CD163L1: variants seen among roughly 807,000 people sequenced by gnomAD.
The protein encoded by CD163L1 is CD163 molecule like 1, also known as scavenger receptor cysteine-rich type 1 protein M160.
CD163L1 carries 124 observed loss-of-function variants against 165.4 expected under a neutral mutation model. The observed-to-expected ratio is 0.75, with a 90% confidence interval of 0.65 to 0.87. The LOEUF (loss-of-function observed/expected upper bound fraction) is 0.87, where lower values mean the gene tolerates loss of function less well. Among genes scored for constraint, CD163L1 ranks in the 40% least tolerant of loss-of-function variants. The probability of loss-of-function intolerance (pLI) is 0.00; values close to 1 mark genes in which losing one functional copy is unlikely to be tolerated. For synonymous variants in CD163L1, 585 were observed against 662.2 expected, an observed-to-expected ratio of 0.88 and a Z score of 1.79; for missense variants, 1,525 against 1,799.9, an observed-to-expected ratio of 0.85 and a Z score of 2.76.
intron 8 of CD163L1, among the ~76,000 whole-genome samples, chr12:7,391,329 C>T (rs1947649613): frequency 6.6e-6 from 1 of 152,092 alleles, no homozygotes; most frequent in Admixed American, 6.5e-5. Context: ...AGGATCGCAC[C>T]TCCCCACCAG....
intron 4 of CD163L1, among the ~76,000 whole-genome samples, chr12:7,427,104 G>A (rs1380858651): frequency 6.6e-6 from 1 of 151,948 alleles, no homozygotes; most frequent in Non-Finnish European, 1.5e-5. Context: ...GTAATAGTAG[G>A]GATTTTAATA....
At chr12:7,426,112 T>C (rs1948537321) in intron 4 of CD163L1, among the ~76,000 whole-genome samples, 1 of 152,044 alleles carries the variant, frequency 6.6e-6, no homozygotes, top group African/African-American at 2.4e-5. Flanking sequence ...TATGCAGCCA[T>C]AAAAAAGAAT....
intron 4 of CD163L1, among the ~76,000 whole-genome samples, chr12:7,408,429 T>C (rs910618459): frequency 6.6e-6 from 1 of 152,160 alleles, no homozygotes; most frequent in Admixed American, 6.5e-5. Context: ...AGAAATAGAA[T>C]GTCACATTAG....
the CD163L1 span, among the ~76,000 whole-genome samples, chr12:7,326,099 G>A: frequency 6.6e-6 from 1 of 152,330 alleles, no homozygotes; most frequent in East Asian, 1.9e-4. Context: ...CTCAGTAATT[G>A]TCTAACTGGT....
At chr12:7,404,748 T>A (rs1947984043) in intron 5 of CD163L1, among the ~76,000 whole-genome samples, 1 of 152,182 alleles carries the variant, frequency 6.6e-6, no homozygotes, top group African/African-American at 2.4e-5. Flanking sequence ...GAGGTTTATT[T>A]TCCTATAAAT....
At chr12:7,328,464 T>C in the CD163L1 span, 15 of 995,900 alleles carry the variant, frequency 1.5e-5, no homozygotes, top group Non-Finnish European at 1.9e-5. Context: ...TCTTAAAATG[T>C]TTAAGATCTT....
In CD163L1 at chr12:7,372,449, T is replaced by C. The variant is rs902456932; in HGVS notation, c.3730+871A>G. On this transcript the variant is annotated intron_variant, in intron 14 of 19. Transcript: ENST00000313599. The surrounding 1 kb of genome is among the most constrained non-coding windows in gnomAD (Gnocchi z 4.2). ...TTATAATGGCATTATTTATACTAGT[T>C]TGACATTGAGAAATAGCCTTAATAC... Among the ~76,000 whole-genome samples, 1 of 152,082 alleles carries C rather than the reference T, an allele frequency of 6.6e-6. No homozygotes were observed. The highest frequency in any genetic ancestry group is 1.5e-5 in the Non-Finnish European group (1 of 67,952).
intron 8 of CD163L1, among the ~76,000 whole-genome samples, chr12:7,394,424 C>G (rs1175472064): frequency 6.6e-6 from 1 of 152,164 alleles, no homozygotes; most frequent in Non-Finnish European, 1.5e-5. Context: ...CTTCCTTACA[C>G]CTTACACAAA....
intron 2 of CD163L1, among the ~76,000 whole-genome samples, chr12:7,440,313 C>A (rs1317412675): frequency 2.0e-5 from 3 of 151,462 alleles, no homozygotes; most frequent in African/African-American, 4.8e-5. Flanking sequence ...CGCGCCCGGG[C>A]AGGGACCTGG....
At chr12:7,365,198 GA>G (rs1201920185) in intron 18 of CD163L1, among the ~76,000 whole-genome samples, 1 of 152,018 alleles carries the variant, frequency 6.6e-6, no homozygotes, top group Non-Finnish European at 1.5e-5. Flanking sequence ...ATGGCACTGG[GA>G]AAACTGGATA....
At chr12:7,356,122 A>G (rs767252548) in intron 19 of CD163L1, among the ~76,000 whole-genome samples, 22 of 152,286 alleles carry the variant, frequency 1.4e-4, no homozygotes, top group Non-Finnish European at 2.9e-4. Context: ...TTGGTTTAGA[A>G]TAATACAGAC....
chr12:7,425,488 T>A (rs1948525701), intron 4 of CD163L1, among the ~76,000 whole-genome samples: 1 of 152,010 alleles, frequency 6.6e-6, no homozygotes, highest in Non-Finnish European at 1.5e-5. Flanking sequence ...ACAAATAGGA[T>A]TTAATTAAAC....
At chr12:7,415,135 T>C (rs1040429264) in intron 4 of CD163L1, among the ~76,000 whole-genome samples, 1 of 152,162 alleles carries the variant, frequency 6.6e-6, no homozygotes, top group Non-Finnish European at 1.5e-5. Flanking sequence ...TACAGTAATT[T>C]GTTACTGGAT....
chr12:7,368,159 G>C lies in CD163L1; in HGVS notation c.4111C>G (p.Leu1371Val). The change falls in exon 17 of 20, where the codon CTT (leucine) becomes GTT (valine). Residue 1371 changes from leucine to valine, a missense_variant. Transcript: ENST00000313599. The surrounding 1 kb of genome is among the most constrained non-coding windows in gnomAD (Gnocchi z 4.3). ...ALILSSIFGLLLLVLFILFLT... is the reference protein window; with the variant it reads ...ALILSSIFGLVLLVLFILFLT... ...AATAGAATAAACAGAACCAGGAGAA[G>C]GAGCCCAAAGATACTGGATAAAATA... 6.2e-7 allele frequency: 1 copy of C among 1,611,630 alleles called. No homozygotes were observed. The highest frequency in any genetic ancestry group is 1.3e-5 in the African/African-American group (1 of 74,872).
chr12:7,435,297 T>G (rs1469048654), intron 2 of CD163L1, among the ~76,000 whole-genome samples: 1 of 151,818 alleles, frequency 6.6e-6, no homozygotes, highest in African/African-American at 2.4e-5. Context: ...CTATAAAAAG[T>G]GAAAAGTCAC....
chr12:7,353,727 G>A (rs1199705434), downstream of CD163L1, among the ~76,000 whole-genome samples: 1 of 151,960 alleles, frequency 6.6e-6, no homozygotes, highest in Non-Finnish European at 1.5e-5. Context: ...CAGAATGATA[G>A]ACTTTTTCAT....
Position 7,369,042 on chromosome 12 carries a change from T to C in CD163L1, c.4040-77A>G. ...TATTTCTTTTTACATCTCCTGCGAT[T>C]ATCGGATGTCATTTAAATATCCTTT... On this transcript the variant is annotated intron_variant, in intron 15 of 19. Transcript: ENST00000313599. The surrounding 1 kb of genome is among the most constrained non-coding windows in gnomAD (Gnocchi z 4.9). 1 of 1,441,272 alleles carries C rather than the reference T, an allele frequency of 6.9e-7. No homozygotes were observed. The highest frequency in any genetic ancestry group is 2.3e-5 in the East Asian group (1 of 43,786). The allele number at this position is 1,441,272 out of a possible 1,614,324, so 89.3% of individuals were successfully genotyped here.
chr12:7,421,550 C>CAT, intron 4 of CD163L1, among the ~76,000 whole-genome samples: 1 of 126,576 alleles, frequency 7.9e-6, no homozygotes, highest in African/African-American at 3.2e-5. Flanking sequence ...TACACATATA[C>CAT]ATATACATAT....
At position 7,430,910 on chromosome 12, in the gene CD163L1, C is replaced by T. The variant is rs193165772; in HGVS notation, c.766+1506G>A. On this transcript the variant is annotated intron_variant, in intron 4 of 19. Coordinates refer to ENST00000313599, the MANE Select transcript of CD163L1 (RefSeq NM_174941.6). ...AAAAGAGGAGAGAGTAGCAACATCT[C>T]GTAGATAATAAGAAATTTCCTATAT... Among the ~76,000 whole-genome samples the T allele has an allele frequency of 5.3e-5, 8 of 151,850 alleles. No homozygotes were observed. The East Asian group carries it at 9.7e-4, about 18-fold the overall frequency.
Sources: gnomAD v4.1 joint callset for allele counts (sites outside exome capture counted in the v4.1 genomes callset) on GRCh38, gnomAD v4.1.1 for gene constraint, Gnocchi (gnomAD v3.1) non-coding constraint, MANE v1.5 for transcripts, NCBI Gene and HGNC (gene_info 2026-07-23, HGNC 2026-07-21) for gene names.